Variants in ELL observed in about 807,000 individuals in gnomAD.
The protein encoded by ELL is elongation factor for RNA polymerase II.
Under a neutral mutation model 64.0 loss-of-function variants are expected in ELL, and 18 were observed. That is an observed-to-expected ratio of 0.28 (90% CI 0.19 to 0.42). The LOEUF (loss-of-function observed/expected upper bound fraction) is 0.42, where lower values mean the gene tolerates loss of function less well. ELL is among the 10% of genes least tolerant of loss of function. The pLI is 1.00. For missense variants in ELL, 797 were observed against 870.4 expected (o/e 0.92, Z 1.06); for synonymous variants, 399 against 376.2 (o/e 1.06, Z -0.70).
rs370908309 is a variant in ELL, at chr19:18,445,161, C to T, written c.1749+63G>A. 147 of 1,603,576 alleles carry T rather than the reference C, an allele frequency of 9.2e-5. No homozygotes were observed. The African/African-American group carries it at 1.7e-3, about 19-fold the overall frequency. On this transcript the variant is annotated intron_variant, in intron 11 of 11. Coordinates refer to ENST00000262809, the MANE Select transcript of ELL (RefSeq NM_006532.4). ...GCGGGCAGGGAGGCTGCCCCGGGCCCACCCTCCTCCCTCCAGCTCCCATGG... is the reference window on the plus strand; with the variant it reads ...GCGGGCAGGGAGGCTGCCCCGGGCCTACCCTCCTCCCTCCAGCTCCCATGG...
Position 18,451,081 on chromosome 19 carries a change from C to T in ELL, c.967-106G>A, listed in dbSNP as rs912739178. On this transcript the variant is annotated intron_variant, in intron 7 of 11. Coordinates refer to ENST00000262809, the MANE Select transcript of ELL (RefSeq NM_006532.4). ...AACCCAACGCCGCCTGCAAGGCCCA[C>T]GCTGGCCACATGGGGGCGCCCGAGC... 42 of 1,385,312 alleles carry T rather than the reference C, an allele frequency of 3.0e-5. No individual in the cohort carries two copies. In the Admixed American group the frequency reaches 3.7e-4, roughly 12 times the overall value. 85.8% of individuals were successfully genotyped at this position (1,385,312 alleles called of 1,614,324 possible). A position where few individuals can be genotyped will look rare whatever the true frequency, so the allele number is the denominator to read the frequency against.
chr19:18,460,946 G>A (rs921848510), intron 5 of ELL, among the ~76,000 whole-genome samples: 2 of 152,046 alleles, frequency 1.3e-5, no homozygotes, highest in Non-Finnish European at 2.9e-5. Context: ...GGAAGCCAAG[G>A]TGGAGCCTCA....
At chr19:18,483,433 G>C (rs529428088) in intron 1 of ELL, among the ~76,000 whole-genome samples, 16 of 152,290 alleles carry the variant, frequency 1.1e-4, no homozygotes, top group African/African-American at 3.6e-4. Flanking sequence ...GTCATAGCTG[G>C]GGGTGGGGGA....
chr19:18,445,129 G>T, intron 11 of ELL, 95 bp downstream of exon 11: 2 of 1,528,228 alleles, frequency 1.3e-6, no homozygotes, highest in Non-Finnish European at 1.8e-6. Context: ...CCCACACCTT[G>T]GAAGTAGCGG....
At chr19:18,451,674 C>A in intron 6 of ELL, 26 bp from the exon 7 acceptor site, 1 of 1,477,510 alleles carries the variant, frequency 6.8e-7, no homozygotes, top group South Asian at 1.3e-5. Context: ...AGGGCTAGGT[C>A]AGAAGGTGCT....
intron 2 of ELL, among the ~76,000 whole-genome samples, chr19:18,469,769 G>A (rs1356184065): frequency 6.6e-6 from 1 of 152,248 alleles, no homozygotes; most frequent in Non-Finnish European, 1.5e-5. Context: ...CCACCAGGGG[G>A]CGTTGCTTCC....
chr19:18,451,534 CA>C lies in ELL; in HGVS notation c.966+17del. ...CTGCAGGTGCTTGGGACAGTCACCC[CA>C]GGCATGCCTCACTTACCTGTGGGGG... On this transcript the variant is annotated intron_variant, in intron 7 of 11. Transcript: ENST00000262809. 6.8e-7 allele frequency: 1 copy of C among 1,473,816 alleles called. No homozygotes were observed. The allele number at this position is 1,473,816 out of a possible 1,614,324, so 91.3% of individuals were successfully genotyped here. A position where few individuals can be genotyped will look rare whatever the true frequency, so the allele number is the denominator to read the frequency against.
intron 1 of ELL, among the ~76,000 whole-genome samples, chr19:18,509,469 C>T (rs1975951031): frequency 6.6e-6 from 1 of 152,142 alleles, no homozygotes; most frequent in Non-Finnish European, 1.5e-5. Flanking sequence ...GGGGTGGCCG[C>T]CCCCACCCGG....
At chr19:18,493,568 C>A (rs899060893) in intron 1 of ELL, among the ~76,000 whole-genome samples, 3 of 152,250 alleles carry the variant, frequency 2.0e-5, no homozygotes, top group Non-Finnish European at 4.4e-5. Flanking sequence ...ACCTCTGACC[C>A]ATACCGGCAA....
chr19:18,496,867 G>T (rs1975665525), intron 1 of ELL, among the ~76,000 whole-genome samples: 1 of 152,252 alleles, frequency 6.6e-6, no homozygotes, highest in South Asian at 2.1e-4. Flanking sequence ...ACCACCACAT[G>T]CTTATTAGAA....
At chr19:18,495,545 C>T (rs966147347) in intron 1 of ELL, among the ~76,000 whole-genome samples, 9 of 152,182 alleles carry the variant, frequency 5.9e-5, no homozygotes, top group Admixed American at 2.6e-4. Context: ...TTGGAAGCAG[C>T]GCCCCGCATG....
At position 18,450,592 on chromosome 19, in the gene ELL, C is replaced by A. The variant is rs891827875; in HGVS notation, c.1350G>T (p.Lys450Asn). 5.6e-6 allele frequency: 9 copies of A among 1,612,358 alleles called. No individual in the cohort carries two copies. In the Admixed American group the frequency reaches 1.3e-4, roughly 24 times the overall value. ...CCTTGTCTTTGTGCTTCTTGGACTT[C>A]TTCTTGGGCTTGCTGCGCGAGGGGC... ...HGSPSRSKPK[K>N]KSKKHKDKER... is the part of the protein sequence containing the mutation. The change falls in exon 8 of 12, where the codon AAG (lysine) becomes AAT (asparagine). Residue 450 changes from lysine to asparagine, a missense_variant. Transcript: ENST00000262809.
chr19:18,484,836 C>T (rs918824587), intron 1 of ELL, among the ~76,000 whole-genome samples: 3 of 152,186 alleles, frequency 2.0e-5, no homozygotes, highest in Non-Finnish European at 4.4e-5. Context: ...GGAAGGCCTT[C>T]GAGAAACTGC....
intron 1 of ELL, among the ~76,000 whole-genome samples, chr19:18,506,504 T>C (rs1052140796): frequency 2.0e-5 from 3 of 152,144 alleles, no homozygotes; most frequent in African/African-American, 7.2e-5. Flanking sequence ...AGGCAGGAAG[T>C]TCGTTTGAGG....
intron 5 of ELL, among the ~76,000 whole-genome samples, chr19:18,459,204 G>C (rs1032563759): frequency 2.0e-5 from 3 of 152,108 alleles, no homozygotes; most frequent in African/African-American, 7.2e-5. Context: ...ACAACTCCCA[G>C]GGAAGAGTCA....
At position 18,450,805 on chromosome 19, in the gene ELL, G is replaced by A. The variant is rs201483638; in HGVS notation, c.1137C>T (p.Ser379=). The part of the protein sequence containing the change: ...PGPPASTDTL[S]SSTHLPPRLE... Reference sequence around the variant, plus strand: ...GCCGCGGGGGCAGGTGAGTGCTGGAGCTGAGGGTGTCCGTGCTGGCTGGTG... The same window carrying A: ...GCCGCGGGGGCAGGTGAGTGCTGGAACTGAGGGTGTCCGTGCTGGCTGGTG... Residue 379 remains serine (S), a synonymous_variant, in exon 8 of 12, where the codon AGC becomes AGT. Coordinates refer to ENST00000262809, the MANE Select transcript of ELL (RefSeq NM_006532.4). 28 of 1,585,386 alleles carry A rather than the reference G, an allele frequency of 1.8e-5. 1 individual carries two copies. In the East Asian group the frequency reaches 4.5e-4, roughly 26 times the overall value.
intron 1 of ELL, among the ~76,000 whole-genome samples, chr19:18,515,706 G>A (rs1004006760): frequency 4.6e-5 from 7 of 152,198 alleles, no homozygotes; most frequent in Non-Finnish European, 8.8e-5. Context: ...ACCAAGGTTC[G>A]GGCCTCTTGG....
chr19:18,450,978 G>T lies in ELL; in HGVS notation c.967-3C>A. 6.6e-7 allele frequency: 1 copy of T among 1,520,250 alleles called. No individual in the cohort carries two copies. 94.2% of individuals were successfully genotyped at this position (1,520,250 alleles called of 1,614,324 possible). ...AAATCAGGAGGCTGCAGCCGCTTCT[G>T]GAGAGGAGCAGAGATCATTTTAGAG... On this transcript the variant is annotated splice_polypyrimidine_tract_variant and splice_region_variant and intron_variant, in intron 7 of 11. Coordinates refer to ENST00000262809, the MANE Select transcript of ELL (RefSeq NM_006532.4).
At chr19:18,478,445 C>T (rs1358501351) in intron 1 of ELL, among the ~76,000 whole-genome samples, 1 of 152,202 alleles carries the variant, frequency 6.6e-6, no homozygotes, top group East Asian at 1.9e-4. Context: ...CCACCGCCTG[C>T]CCAGTCTCTG....
Sources: allele counts gnomAD v4.1 joint callset (sites outside exome capture counted in the v4.1 genomes callset), GRCh38; gene constraint gnomAD v4.1.1; transcripts MANE v1.5; gene names NCBI Gene and HGNC (gene_info 2026-07-23, HGNC 2026-07-21).